CNTN4: variants seen among roughly 807,000 people sequenced by gnomAD.
CNTN4 encodes the protein contactin-4.
CNTN4 carries 77 observed loss-of-function variants against 122.5 expected under a neutral mutation model. That is an observed-to-expected ratio of 0.63 (90% confidence interval 0.52 to 0.76). CNTN4 has a LOEUF of 0.76. Ranked by LOEUF, CNTN4 falls within the 30% of genes least tolerant of loss-of-function variation. CNTN4 has a pLI of 0.00. For synonymous variants in CNTN4, 512 were observed against 447.0 expected (o/e 1.15, Z -1.83); for missense variants, 1,256 against 1,259.1 (o/e 1.00, Z 0.04).
At position 3,042,292 on chromosome 3, in the gene CNTN4, C is replaced by A; in HGVS notation, c.2399-18C>A. On this transcript the variant is annotated intron_variant, in intron 20 of 24. Transcript: ENST00000418658. ...ATATAGCTGATAGAGTAATAACTATCTCCATATTCATCTACAGAACCCACC... is the reference window on the plus strand; with the variant it reads ...ATATAGCTGATAGAGTAATAACTATATCCATATTCATCTACAGAACCCACC... 1 of 1,516,910 alleles carries A rather than the reference C, an allele frequency of 6.6e-7. No individual in the cohort carries two copies. Among genetic ancestry groups the A allele is most frequent in the Non-Finnish European group, 9.2e-7 (1 of 1,091,340 alleles). The allele number at this position is 1,516,910 out of a possible 1,614,324, so 94.0% of individuals were successfully genotyped here. A position where few individuals can be genotyped will look rare whatever the true frequency, so the allele number is the denominator to read the frequency against.
intron 2 of CNTN4, among the ~76,000 whole-genome samples, chr3:2,130,924 A>G (rs554497484): frequency 5.3e-5 from 8 of 152,302 alleles, no homozygotes; most frequent in African/African-American, 1.9e-4. Flanking sequence ...TGAATGGGAT[A>G]AAGATCATAA....
At chr3:2,568,116 CA>C (rs2079255751) in intron 3 of CNTN4, among the ~76,000 whole-genome samples, 1 of 151,972 alleles carries the variant, frequency 6.6e-6, no homozygotes, top group Admixed American at 6.6e-5. Flanking sequence ...TGGATACCAG[CA>C]ACATTTTAAT....
At chr3:2,403,244 A>G (rs1479440891) in intron 3 of CNTN4, among the ~76,000 whole-genome samples, 1 of 152,058 alleles carries the variant, frequency 6.6e-6, no homozygotes, top group Non-Finnish European at 1.5e-5. Context: ...CATCCCTTAC[A>G]CTAGATATAA....
At chr3:2,369,902 A>G (rs1275872231) in intron 3 of CNTN4, among the ~76,000 whole-genome samples, 1 of 152,070 alleles carries the variant, frequency 6.6e-6, no homozygotes, top group Non-Finnish European at 1.5e-5. Context: ...TTCCCTCTTG[A>G]GAATGTCTGG....
chr3:2,375,743 C>G (rs2045792235), intron 3 of CNTN4, among the ~76,000 whole-genome samples: 1 of 151,976 alleles, frequency 6.6e-6, no homozygotes, highest in African/African-American at 2.4e-5. Context: ...TGAAGTGTTA[C>G]CGGGTTTATG....
intron 6 of CNTN4, among the ~76,000 whole-genome samples, chr3:2,779,237 G>A (rs572597861): frequency 7.2e-6 from 1 of 139,098 alleles, no homozygotes; most frequent in South Asian, 2.4e-4. Flanking sequence ...AGGTTGTGGT[G>A]TTGTTTGTTT....
intron 8 of CNTN4, among the ~76,000 whole-genome samples, chr3:2,867,808 A>G (rs1354765726): frequency 6.6e-6 from 1 of 152,060 alleles, no homozygotes; most frequent in Non-Finnish European, 1.5e-5. Flanking sequence ...ATAATTCTGC[A>G]TCACAGTTGT....
intron 2 of CNTN4, among the ~76,000 whole-genome samples, chr3:2,229,197 C>T (rs992610624): frequency 6.6e-6 from 1 of 152,018 alleles, no homozygotes; most frequent in African/African-American, 2.4e-5. Context: ...GAGAAGTTAT[C>T]GATGTATTTC....
intron 13 of CNTN4, among the ~76,000 whole-genome samples, chr3:2,980,533 A>G (rs573647367): frequency 8.5e-4 from 130 of 152,374 alleles, no homozygotes; most frequent in Middle Eastern, 3.4e-3. Context: ...GAGATGGACC[A>G]TAAAGGAAAC....
At chr3:2,289,225 G>A (rs1314358984) in intron 2 of CNTN4, among the ~76,000 whole-genome samples, 1 of 152,176 alleles carries the variant, frequency 6.6e-6, no homozygotes, top group Admixed American at 6.5e-5. Context: ...GAATGATGGA[G>A]TGATAGGTAC....
At chr3:2,787,382 A>T (rs770422924) in intron 6 of CNTN4, among the ~76,000 whole-genome samples, 23 of 152,192 alleles carry the variant, frequency 1.5e-4, no homozygotes, top group Non-Finnish European at 2.8e-4. Context: ...CCTCAAAAAA[A>T]CATACATAAA....
intron 4 of CNTN4, among the ~76,000 whole-genome samples, chr3:2,727,683 A>G (rs996858985): frequency 2.1e-4 from 32 of 152,154 alleles, no homozygotes; most frequent in African/African-American, 7.7e-4. Flanking sequence ...GGCATTACAA[A>G]CGATTAGGGC....
intron 2 of CNTN4, among the ~76,000 whole-genome samples, chr3:2,170,923 T>C (rs1407677103): frequency 6.6e-6 from 1 of 152,200 alleles, no homozygotes; most frequent in Non-Finnish European, 1.5e-5. Flanking sequence ...TTTTAATACT[T>C]AGATCAATAC....
At chr3:2,917,907 A>C (rs867967633) in intron 12 of CNTN4, among the ~76,000 whole-genome samples, 46 of 150,816 alleles carry the variant, frequency 3.1e-4, no homozygotes, top group Non-Finnish European at 4.9e-4. Flanking sequence ...CATGTGAGGC[A>C]TTTTTTTTTT....
chr3:2,138,567 A>G (rs2034826457), intron 2 of CNTN4, among the ~76,000 whole-genome samples: 1 of 152,204 alleles, frequency 6.6e-6, no homozygotes, highest in Non-Finnish European at 1.5e-5. Flanking sequence ...GCAGATTGTG[A>G]GTGGTCATCA....
intron 2 of CNTN4, among the ~76,000 whole-genome samples, chr3:2,290,212 C>G (rs2042081976): frequency 6.6e-6 from 1 of 152,090 alleles, no homozygotes; most frequent in Non-Finnish European, 1.5e-5. Flanking sequence ...ATGAAAGAGA[C>G]AAGCGTTAGA....
chr3:3,043,201 A>T (rs372736769), intron 22 of CNTN4, 38 bp downstream of exon 22: 39 of 1,581,884 alleles, frequency 2.5e-5, no homozygotes, highest in African/African-American at 8.1e-5. Flanking sequence ...TTGGGGATTC[A>T]TCACACATAT....
intron 2 of CNTN4, among the ~76,000 whole-genome samples, chr3:2,293,914 T>C (rs1159509170): frequency 1.3e-5 from 2 of 152,166 alleles, no homozygotes; most frequent in Admixed American, 1.3e-4. Context: ...ACTAATTTAG[T>C]GTACAATTCT....
At chr3:2,344,080 C>A (rs1369008287) in intron 3 of CNTN4, among the ~76,000 whole-genome samples, 1 of 152,062 alleles carries the variant, frequency 6.6e-6, no homozygotes, top group African/African-American at 2.4e-5. Context: ...GAACAGTCTT[C>A]CCCCCATGGC....
Sources: gnomAD v4.1 joint callset for allele counts (sites outside exome capture counted in the v4.1 genomes callset) on GRCh38, gnomAD v4.1.1 for gene constraint, MANE v1.5 for transcripts, NCBI Gene and HGNC (gene_info 2026-07-23, HGNC 2026-07-21) for gene names.